The following NBAS variants were observed in gnomAD, a reference collection of about 807,000 sequenced individuals.
NBAS encodes the protein NBAS subunit of NRZ tethering complex.
A neutral mutation model predicts 302.5 loss-of-function variants in NBAS; 219 were observed. The ratio of observed to expected loss-of-function variants is 0.72; its 90% confidence interval spans 0.65 to 0.81. The LOEUF (loss-of-function observed/expected upper bound fraction) is 0.81, where lower values mean the gene tolerates loss of function less well. Ranked by LOEUF, NBAS falls within the 30% of genes least tolerant of loss-of-function variation. The pLI is 0.00. For synonymous variants in NBAS, 1,118 were observed against 1,021.6 expected (o/e 1.09, Z -1.80); for missense variants, 2,932 against 2,841.6 (o/e 1.03, Z -0.72).
At chr2:15,419,335 A>ATG (rs55830610) in intron 23 of NBAS, among the ~76,000 whole-genome samples, 34,085 of 149,894 alleles carry the variant, frequency 0.23, 4,852 homozygotes, top group East Asian at 0.72. Context: ...ATACATATAT[A>ATG]TGTGTGTGTG....
At chr2:15,387,156 C>T (rs6723183) in intron 28 of NBAS, among the ~76,000 whole-genome samples, 90,924 of 150,984 alleles carry the variant, frequency 0.6, 28,411 homozygotes, top group Middle Eastern at 0.68. Context: ...CAAGCTCTGC[C>T]TCCCGGGTTC....
chr2:14,843,579 C>T, the NBAS span, among the ~76,000 whole-genome samples: 1 of 139,208 alleles, frequency 7.2e-6, no homozygotes, highest in South Asian at 2.1e-4. Context: ...CACACACACA[C>T]ACAAAAATAC....
the NBAS span, among the ~76,000 whole-genome samples, chr2:14,804,895 T>G: frequency 2.6e-5 from 4 of 152,218 alleles, no homozygotes; most frequent in South Asian, 8.3e-4. Context: ...ATTAACTTAT[T>G]ATCAGCATCC....
chr2:14,955,475 G>C, the NBAS span, among the ~76,000 whole-genome samples: 1 of 152,342 alleles, frequency 6.6e-6, no homozygotes, highest in East Asian at 1.9e-4. Flanking sequence ...TCTGTATGGA[G>C]GCTCTGACTC....
chr2:15,007,941 T>C, the NBAS span, among the ~76,000 whole-genome samples: 7 of 152,212 alleles, frequency 4.6e-5, no homozygotes, highest in Non-Finnish European at 8.8e-5. Context: ...TTAAGAGCTA[T>C]CATGAAGATT....
At chr2:14,925,321 G>A in the NBAS span, among the ~76,000 whole-genome samples, 286 of 151,952 alleles carry the variant, frequency 1.9e-3, no homozygotes, top group East Asian at 7.6e-3. Context: ...TCTTTTTCCC[G>A]CCTTAGAGAG....
intron 48 of NBAS, among the ~76,000 whole-genome samples, chr2:15,203,890 T>TGCTTGTGTGTGTGTGTGTG (rs1666009557): frequency 7.7e-6 from 1 of 129,460 alleles, no homozygotes; most frequent in African/African-American, 2.8e-5. Flanking sequence ...GTGTGTGTGC[T>TGCTTGTGTGTGTGTGTGTG]TGTGTGTGTG....
At chr2:15,277,759 C>T (rs149785703) in intron 42 of NBAS, among the ~76,000 whole-genome samples, 18 of 152,238 alleles carry the variant, frequency 1.2e-4, no homozygotes, top group African/African-American at 4.1e-4. Context: ...TAAAAAGTCA[C>T]TTAAACTCTT....
chr2:15,419,335 ATGTGTGTGTG>A (rs55830610), intron 23 of NBAS, among the ~76,000 whole-genome samples: 15 of 149,994 alleles, frequency 1.0e-4, no homozygotes, highest in Non-Finnish European at 1.6e-4. Context: ...ATACATATAT[ATGTGTGTGTG>A]TGTGTGTGTG....
chr2:15,328,281 C>A lies in NBAS; in HGVS notation c.4379G>T (p.Gly1460Val). Residue 1460 changes from glycine (G) to valine (V), a missense_variant, in exon 37 of 52, where the codon GGA (glycine) becomes GTA (valine). Transcript: ENST00000281513. ...CTCTAGATCTTCATTGGCTGTAGTTCCGATTTGATATGCACCACCACATTT... is the reference window on the plus strand; with the variant it reads ...CTCTAGATCTTCATTGGCTGTAGTTACGATTTGATATGCACCACCACATTT... The part of the protein sequence containing the change: ...GQKCGGAYQI[G>V]TTANEDLEKQ... 2 of 1,613,702 alleles carry A rather than the reference C, an allele frequency of 1.2e-6. No individual in the cohort carries two copies. The highest frequency in any genetic ancestry group is 1.7e-6 in the Non-Finnish European group (2 of 1,179,884).
chr2:14,899,776 C>T, the NBAS span, among the ~76,000 whole-genome samples: 1 of 151,474 alleles, frequency 6.6e-6, no homozygotes, highest in South Asian at 2.1e-4. Flanking sequence ...GTATCAGGCT[C>T]CTGAAATTAT....
the NBAS span, among the ~76,000 whole-genome samples, chr2:15,102,977 G>A: frequency 2.1e-5 from 2 of 95,434 alleles, no homozygotes; most frequent in East Asian, 6.0e-4. Context: ...AGGCATTAAG[G>A]AGGAAGGAAG....
At chr2:15,089,392 T>A in the NBAS span, among the ~76,000 whole-genome samples, 1 of 152,290 alleles carries the variant, frequency 6.6e-6, no homozygotes, top group South Asian at 2.1e-4. Flanking sequence ...AATCTGAGAA[T>A]TGGGAGAGAC....
intron 50 of NBAS, chr2:15,179,477 T>TTGTGTG: frequency 3.9e-6 from 1 of 255,808 alleles, no homozygotes; most frequent in South Asian, 5.6e-5. Context: ...GTTTTGTGTT[T>TTGTGTG]TGTGTGTGTG....
chr2:15,467,557 A>T, intron 18 of NBAS, 107 bp downstream of exon 18: 2 of 1,316,484 alleles, frequency 1.5e-6, no homozygotes. Flanking sequence ...AGTACATTTG[A>T]TCTAAGTTGC....
intron 51 of NBAS, among the ~76,000 whole-genome samples, chr2:15,176,116 G>A (rs892075195): frequency 6.6e-6 from 1 of 152,214 alleles, no homozygotes; most frequent in East Asian, 1.9e-4. Context: ...GAAAGCAAAA[G>A]TTTTCTATTT....
chr2:15,309,007 C>T (rs1671156159), intron 39 of NBAS, among the ~76,000 whole-genome samples, 164 bp downstream of exon 39: 1 of 150,380 alleles, frequency 6.6e-6, no homozygotes, highest in African/African-American at 2.5e-5. Context: ...TACCCTAAAA[C>T]TTAAAGTATA....
At chr2:14,882,788 C>A in the NBAS span, among the ~76,000 whole-genome samples, 1 of 152,094 alleles carries the variant, frequency 6.6e-6, no homozygotes, top group East Asian at 1.9e-4. Context: ...AATAATAAAG[C>A]CATTATCAAA....
intron 30 of NBAS, among the ~76,000 whole-genome samples, chr2:15,378,545 C>A: frequency 6.6e-6 from 1 of 152,170 alleles, no homozygotes; most frequent in Non-Finnish European, 1.5e-5. Context: ...TACACCTAAC[C>A]TAACAAACAT....
Sources: gnomAD v4.1 joint callset for allele counts (sites outside exome capture counted in the v4.1 genomes callset) on GRCh38, gnomAD v4.1.1 for gene constraint, MANE v1.5 for transcripts, NCBI Gene and HGNC (gene_info 2026-07-23, HGNC 2026-07-21) for gene names.